Variants in RABIF observed in about 807,000 individuals in gnomAD.
RABIF encodes the protein RAB interacting factor, also known as guanine nucleotide exchange factor MSS4.
A neutral mutation model predicts 12.3 loss-of-function variants in RABIF; 13 were observed. The observed-to-expected ratio is 1.06, with a 90% confidence interval of 0.69 to 1.68. The LOEUF is 1.68. Among genes scored for constraint, RABIF ranks in the 40% most tolerant of loss-of-function variants. The pLI is 0.00. For missense variants in RABIF, 153 were observed against 158.0 expected, an observed-to-expected ratio of 0.97 and a Z score of 0.17; for synonymous variants, 70 against 63.3, an observed-to-expected ratio of 1.11 and a Z score of -0.50.
chr1:202,884,557 C>T (rs932799280), intron 1 of RABIF, among the ~76,000 whole-genome samples: 11 of 152,114 alleles, frequency 7.2e-5, no homozygotes, highest in African/African-American at 2.7e-4. Flanking sequence ...AGCCTTCAGC[C>T]ACTGTGTTAG....
At position 202,881,115 on chromosome 1, in the gene RABIF, T is replaced by C; in HGVS notation, c.235A>G (p.Asn79Asp). 1.2e-6 allele frequency: 2 copies of C among 1,614,108 alleles called. No homozygotes were observed. The highest frequency in any genetic ancestry group is 1.7e-6 in the Non-Finnish European group (2 of 1,180,024). ...CCCACGTCCTTGGTGAAGCCCACATTCTCAAAAATGAACATGTCCTCAACC... is the reference window on the plus strand; with the variant it reads ...CCCACGTCCTTGGTGAAGCCCACATCCTCAAAAATGAACATGTCCTCAACC... The part of the protein sequence containing the change: ...WLVEDMFIFE[N>D]VGFTKDVGNI... The change falls in exon 2 of 2, where the codon AAT becomes GAT. Residue 79 changes from asparagine (N) to aspartate (D), a missense_variant. By Grantham distance (23) the Asn-to-Asp change is conservative (BLOSUM62 1). Around this residue, in one of 2 missense-constraint regions of RABIF, gnomAD observed 40 missense variants for 67.1 expected, o/e 0.60. Coordinates refer to ENST00000367262, the MANE Select transcript of RABIF (RefSeq NM_002871.5).
intron 1 of RABIF, among the ~76,000 whole-genome samples, chr1:202,888,738 G>A (rs1224533526): frequency 6.6e-6 from 1 of 152,168 alleles, no homozygotes; most frequent in Admixed American, 6.5e-5. Flanking sequence ...TGGGCCGGGT[G>A]GCCCAGGGAA....
chr1:202,887,024 GTTTTGTTTTTTT>G (rs1303681667), intron 1 of RABIF, among the ~76,000 whole-genome samples: 3 of 90,692 alleles, frequency 3.3e-5, no homozygotes, highest in African/African-American at 1.2e-4. Flanking sequence ...TGTGGGCTAT[GTTTTGTTTTTTT>G]TTTTTTTTTT....
chr1:202,885,870 A>G (rs897601437), intron 1 of RABIF, among the ~76,000 whole-genome samples: 2 of 152,222 alleles, frequency 1.3e-5, no homozygotes, highest in African/African-American at 2.4e-5. Flanking sequence ...GAGTTGCTTG[A>G]GTCCAGAAAA....
chr1:202,881,669 A>C (rs1659494197), intron 1 of RABIF, among the ~76,000 whole-genome samples: 1 of 152,208 alleles, frequency 6.6e-6, no homozygotes, highest in Non-Finnish European at 1.5e-5. Context: ...GGCCTCCCGA[A>C]GTGCTGGGAT....
intron 1 of RABIF, among the ~76,000 whole-genome samples, chr1:202,881,549 C>T (rs1406546814): frequency 6.6e-6 from 1 of 152,114 alleles, no homozygotes; most frequent in Non-Finnish European, 1.5e-5. Flanking sequence ...CTACAGGTGC[C>T]CGCCACCACG....
In RABIF at chr1:202,888,935, G is replaced by T. The variant is rs1045695471; in HGVS notation, c.126+38C>A. 3.3e-6 allele frequency: 5 copies of T among 1,496,792 alleles called. No homozygotes were observed. The East Asian group carries it at 7.7e-5, about 23-fold the overall frequency. The allele number at this position is 1,496,792 out of a possible 1,614,324, so 92.7% of individuals were successfully genotyped here. The stretch of plus-strand genomic sequence containing the variant: ...CTGACTGCGGCGGCTCGTCGGGGGA[G>T]ACTGTGGGTGTAAACGGCCTCCAAC... On this transcript the variant is annotated intron_variant, in intron 1 of 1. Coordinates refer to ENST00000367262, the MANE Select transcript of RABIF (RefSeq NM_002871.5).
At chr1:202,888,775 G>A (rs1184974800) in intron 1 of RABIF, among the ~76,000 whole-genome samples, 198 bp downstream of exon 1, 1 of 152,234 alleles carries the variant, frequency 6.6e-6, no homozygotes, top group Non-Finnish European at 1.5e-5. Context: ...AGATGCCGGG[G>A]CGGGACCCGG....
At position 202,881,118 on chromosome 1, in the gene RABIF, C is replaced by A; in HGVS notation, c.232G>T (p.Glu78Ter). 6.2e-7 allele frequency: 1 copy of A among 1,614,192 alleles called. No homozygotes were observed. Among genetic ancestry groups the A allele is most frequent in the Non-Finnish European group, 8.5e-7 (1 of 1,180,046 alleles). ...ACGTCCTTGGTGAAGCCCACATTCT[C>A]AAAAATGAACATGTCCTCAACCAGC... ...HWLVEDMFIF[E>*]NVGFTKDVGN... The change falls in exon 2 of 2, where the codon GAG becomes TAG. Residue 78 changes from glutamate (E) to a stop codon, truncating the protein, a stop_gained. Transcript: ENST00000367262. LOFTEE classifies it high-confidence loss of function.
chr1:202,885,458 C>T (rs1034413610), intron 1 of RABIF, among the ~76,000 whole-genome samples: 1 of 152,254 alleles, frequency 6.6e-6, no homozygotes, highest in Non-Finnish European at 1.5e-5. Context: ...TTTCTGCAGG[C>T]TTAACGGCTG....
At position 202,881,210 on chromosome 1, in the gene RABIF, G is replaced by C. The variant is rs769730731; in HGVS notation, c.140C>G (p.Ser47Cys). Residue 47 changes from serine (S) to cysteine (C), a missense_variant, in exon 2 of 2, where the codon TCC becomes TGC. Coordinates refer to ENST00000367262, the MANE Select transcript of RABIF (RefSeq NM_002871.5). ...LFSRRQLFLP[S>C]MRKKPALSDG... ...AGACAGAGCTGGCTTCTTTCTCATG[G>C]AGGGAAGGAAAAGCTGCAGTGGGAA... 21 of 1,612,326 alleles carry C rather than the reference G, an allele frequency of 1.3e-5. No homozygotes were observed. The highest frequency in any genetic ancestry group is 1.7e-5 in the Non-Finnish European group (20 of 1,178,800).
chr1:202,886,735 TTTC>T (rs1659567813), intron 1 of RABIF, among the ~76,000 whole-genome samples: 4 of 58,178 alleles, frequency 6.9e-5, no homozygotes, highest in Non-Finnish European at 2.0e-4. Context: ...TCTATGTTTT[TTTC>T]TTTTTTCTTT....
chr1:202,888,933 G>T, intron 1 of RABIF, 40 bp downstream of exon 1: 2 of 1,488,210 alleles, frequency 1.3e-6, no homozygotes, highest in South Asian at 1.3e-5. Context: ...CTCGTCGGGG[G>T]AGACTGTGGG....
At chr1:202,888,836 G>T in intron 1 of RABIF, 137 bp downstream of exon 1, 11 of 1,234,090 alleles carry the variant, frequency 8.9e-6, no homozygotes, top group Non-Finnish European at 1.2e-5. Flanking sequence ...GCCGAGCTGA[G>T]GCCCGAGGGG....
chr1:202,888,971 A>C lies in RABIF; in HGVS notation c.126+2T>G, dbSNP rs1384258510. ...TAAACGGCCTCCAACCTGCCTCCCT[A>C]CCTGTCGGCGAGAGAAGAGAGCGGT... On this transcript the variant is annotated splice_donor_variant, in intron 1 of 1. Transcript: ENST00000367262. LOFTEE classifies it high-confidence loss of function. The C allele has an allele frequency of 6.4e-7, 1 of 1,556,952 alleles. No individual in the cohort carries two copies. Among genetic ancestry groups the C allele is most frequent in the Non-Finnish European group, 8.7e-7 (1 of 1,150,308 alleles).
intron 1 of RABIF, among the ~76,000 whole-genome samples, chr1:202,883,902 G>T (rs1348021584): frequency 6.6e-6 from 1 of 152,142 alleles, no homozygotes; most frequent in Non-Finnish European, 1.5e-5. Context: ...ATATGTATGT[G>T]CATCTCTGCC....
rs576258640 is a variant in RABIF at position 202,889,078 on chromosome 1, C to T, written c.21G>A (p.Pro7=). 15 of 1,608,968 alleles carry T rather than the reference C, an allele frequency of 9.3e-6. No individual in the cohort carries two copies. Among genetic ancestry groups the T allele is most frequent in the African/African-American group, 8.0e-5 (6 of 74,784 alleles). ...GGCCCTCGGCTGACACTAACTCGCTCGGCTGCTCCGCTGGTTCCATCGCCG... is the reference window on the plus strand; with the variant it reads ...GGCCCTCGGCTGACACTAACTCGCTTGGCTGCTCCGCTGGTTCCATCGCCG... MEPAEQ[P]SELVSAEGRN... is the part of the protein sequence containing the mutation. Residue 7 remains proline, a synonymous_variant, in exon 1 of 2, where the codon CCG becomes CCA. Coordinates refer to ENST00000367262, the MANE Select transcript of RABIF (RefSeq NM_002871.5).
At chr1:202,887,109 T>C (rs981200460) in intron 1 of RABIF, among the ~76,000 whole-genome samples, 8 of 151,880 alleles carry the variant, frequency 5.3e-5, no homozygotes, top group African/African-American at 1.7e-4. Context: ...GTCTCTTAAT[T>C]TATGTCAGTT....
At chr1:202,883,195 T>C (rs1234560289) in intron 1 of RABIF, among the ~76,000 whole-genome samples, 3 of 151,608 alleles carry the variant, frequency 2.0e-5, no homozygotes, top group Non-Finnish European at 4.4e-5. Flanking sequence ...CACGATATAC[T>C]TTTTTGTTTT....
Sources: allele counts gnomAD v4.1 joint callset (sites outside exome capture counted in the v4.1 genomes callset), GRCh38; gene constraint gnomAD v4.1.1; regional missense constraint gnomAD v4.1.1; transcripts MANE v1.5; gene names NCBI Gene and HGNC (gene_info 2026-07-23, HGNC 2026-07-21).